The following SPATA17 variants were observed in gnomAD, a reference collection of about 807,000 sequenced individuals.
The protein encoded by SPATA17 is spermatogenesis associated 17.
A neutral mutation model predicts 62.2 loss-of-function variants in SPATA17; 53 were observed. That is an observed-to-expected ratio of 0.85 (90% CI 0.68 to 1.07). The LOEUF is 1.07. SPATA17 is among the 50% of genes least tolerant of loss of function. The pLI is 0.00. For missense variants in SPATA17, 466 were observed against 425.5 expected (o/e 1.10, Z -0.84); for synonymous variants, 146 against 146.8 (o/e 0.99, Z 0.04).
intron 6 of SPATA17, among the ~76,000 whole-genome samples, chr1:217,763,759 CA>C (rs1673230136): frequency 6.6e-6 from 1 of 152,052 alleles, no homozygotes; most frequent in Admixed American, 6.6e-5. Context: ...CCTATGGATT[CA>C]AGATGTATTT....
At chr1:217,699,283 C>A (rs1558570436) in intron 5 of SPATA17, among the ~76,000 whole-genome samples, 1 of 152,142 alleles carries the variant, frequency 6.6e-6, no homozygotes, top group Non-Finnish European at 1.5e-5. Context: ...AACTGTAAAA[C>A]TGTTTTCCTG....
intron 5 of SPATA17, among the ~76,000 whole-genome samples, chr1:217,703,901 A>C (rs1671663596): frequency 6.6e-6 from 1 of 151,650 alleles, no homozygotes; most frequent in African/African-American, 2.4e-5. Flanking sequence ...TTAGTTTGTT[A>C]TTGTCTGCTG....
chr1:217,708,695 C>T (rs1343259217), intron 5 of SPATA17, among the ~76,000 whole-genome samples: 1 of 151,860 alleles, frequency 6.6e-6, no homozygotes. Flanking sequence ...GCAGCATCAT[C>T]TTGATACCTA....
In SPATA17 at chr1:217,824,440, T is replaced by G. The variant is rs1674939087; in HGVS notation, c.1005+22590T>G. Among the ~76,000 whole-genome samples the G allele has an allele frequency of 4.0e-5, 6 of 151,298 alleles. No homozygotes were observed. The South Asian group carries it at 1.3e-3, about 32-fold the overall frequency. ...AATTGTACAATAAATTCTCCATCAG[T>G]TTAGAAAAAGAACAGTTCTATTCTT... On this transcript the variant is annotated intron_variant, in intron 9 of 10. Transcript: ENST00000366933.
intron 6 of SPATA17, among the ~76,000 whole-genome samples, chr1:217,769,434 C>A (rs1673384451): frequency 6.6e-6 from 1 of 152,212 alleles, no homozygotes; most frequent in Non-Finnish European, 1.5e-5. Flanking sequence ...CTTATCTGCA[C>A]CCCTGAGGAA....
chr1:217,817,946 C>T (rs575137343), intron 9 of SPATA17, among the ~76,000 whole-genome samples: 2 of 151,962 alleles, frequency 1.3e-5, no homozygotes, highest in Non-Finnish European at 2.9e-5. Context: ...TTTAGCATTT[C>T]TGGTACAGTC....
intron 6 of SPATA17, among the ~76,000 whole-genome samples, chr1:217,766,388 A>G (rs1277545206): frequency 6.6e-6 from 1 of 151,932 alleles, no homozygotes; most frequent in Non-Finnish European, 1.5e-5. Flanking sequence ...TAAAGTTTGC[A>G]ATACACATTT....
In SPATA17 at chr1:217,801,814, C is replaced by A. The variant is rs1482457001; in HGVS notation, c.969C>A (p.Phe323Leu). Residue 323 changes from phenylalanine to leucine, a missense_variant, in exon 9 of 11, where the codon TTC (phenylalanine) becomes TTA (leucine). Coordinates refer to ENST00000366933, the MANE Select transcript of SPATA17 (RefSeq NM_138796.4). Reference protein sequence around the residue: ...KYGPISYKEQFRSENPKKWIC... With the variant: ...KYGPISYKEQLRSENPKKWIC... ...GTCCTATTTCTTACAAAGAACAATTCCGAAGTGAAAATCCTAAGAAATGGA... is the reference window on the plus strand; with the variant it reads ...GTCCTATTTCTTACAAAGAACAATTACGAAGTGAAAATCCTAAGAAATGGA... 6.2e-6 allele frequency: 10 copies of A among 1,610,166 alleles called. No individual in the cohort carries two copies. Among genetic ancestry groups the A allele is most frequent in the Non-Finnish European group, 8.5e-6 (10 of 1,178,734 alleles).
intron 5 of SPATA17, among the ~76,000 whole-genome samples, chr1:217,729,685 T>C (rs189080843): frequency 1.6e-3 from 247 of 152,302 alleles, no homozygotes; most frequent in African/African-American, 5.2e-3. Context: ...CAACATAAAA[T>C]GTAGAATATA....
chr1:217,664,486 G>A (rs960754656), intron 3 of SPATA17, among the ~76,000 whole-genome samples: 6 of 151,718 alleles, frequency 4.0e-5, no homozygotes, highest in Admixed American at 3.3e-4. Context: ...GTAGAGACGG[G>A]GTTTCACCGT....
intron 6 of SPATA17, among the ~76,000 whole-genome samples, chr1:217,751,685 T>A (rs1672909303): frequency 6.6e-6 from 1 of 152,194 alleles, no homozygotes; most frequent in Non-Finnish European, 1.5e-5. Context: ...TTTAAAAAAA[T>A]CTTGTTGTGT....
At position 217,868,283 on chromosome 1, in the gene SPATA17, G is replaced by A. The variant is rs1676058244; in HGVS notation, c.*1264G>A. ...GAAATATTTACAGATGCAGTGATAT[G>A]TTGGCTGGGATTTAATTTGAAAGTC... On this transcript the variant is annotated 3_prime_UTR_variant, in exon 11 of 11. Transcript: ENST00000366933. 6.6e-6 allele frequency: 1 copy of A among 152,124 alleles called. No homozygotes were observed. Among genetic ancestry groups the A allele is most frequent in the South Asian group, 2.1e-4 (1 of 4,830 alleles). 9.4% of individuals were successfully genotyped at this position (152,124 alleles called of 1,614,324 possible).
In SPATA17 at chr1:217,646,456, C is replaced by A. The variant is rs139662916; in HGVS notation, c.69-2426C>A. Among the ~76,000 whole-genome samples the A allele has an allele frequency of 5.1e-3, 775 of 152,244 alleles. 8 individuals carry two copies. Among genetic ancestry groups the A allele is most frequent in the African/African-American group, 0.018 (762 of 41,542 alleles). ...TATGGTTTTAGGGAGATTGGTGCTA[C>A]CTTTTCCCACAAAGTCTCCATATTA... On this transcript the variant is annotated intron_variant, in intron 1 of 10. Transcript: ENST00000366933.
intron 6 of SPATA17, among the ~76,000 whole-genome samples, chr1:217,744,904 T>G (rs902128876): frequency 6.6e-6 from 1 of 152,208 alleles, no homozygotes; most frequent in Non-Finnish European, 1.5e-5. Context: ...TGTAATGTAT[T>G]TAAAGCAGTG....
At chr1:217,787,846 C>T (rs935481409) in intron 8 of SPATA17, among the ~76,000 whole-genome samples, 1 of 152,016 alleles carries the variant, frequency 6.6e-6, no homozygotes, top group Non-Finnish European at 1.5e-5. Context: ...TTTATTATTT[C>T]CTTATTAAAA....
intron 9 of SPATA17, among the ~76,000 whole-genome samples, chr1:217,835,846 G>A (rs932941064): frequency 1.3e-5 from 2 of 152,044 alleles, no homozygotes; most frequent in African/African-American, 4.8e-5. Flanking sequence ...AGCTATGACT[G>A]GCATTTTGAG....
At chr1:217,785,043 C>T (rs1211563774) in intron 8 of SPATA17, 1 of 152,186 alleles carries the variant, frequency 6.6e-6, no homozygotes, top group Admixed American at 6.5e-5. Context: ...AGAATCTCTT[C>T]ATGCCTCTTC....
chr1:217,834,895 G>A (rs573193946), intron 9 of SPATA17, among the ~76,000 whole-genome samples: 23 of 152,014 alleles, frequency 1.5e-4, no homozygotes, highest in Non-Finnish European at 3.4e-4. Flanking sequence ...CCTTATACAA[G>A]TGTACCACTT....
chr1:217,746,011 T>G (rs781668493), intron 6 of SPATA17, among the ~76,000 whole-genome samples: 5 of 152,118 alleles, frequency 3.3e-5, no homozygotes, highest in Non-Finnish European at 5.9e-5. Context: ...GGGGAGAAAT[T>G]AAGCTGCAGA....
Sources: allele counts gnomAD v4.1 joint callset (sites outside exome capture counted in the v4.1 genomes callset), GRCh38; gene constraint gnomAD v4.1.1; transcripts MANE v1.5; gene names NCBI Gene and HGNC (gene_info 2026-07-23, HGNC 2026-07-21).